COMT: variants seen among roughly 807,000 people sequenced by gnomAD.
COMT encodes the protein catechol-O-methyltransferase.
COMT carries 13 observed loss-of-function variants against 18.9 expected under a neutral mutation model. That is an observed-to-expected ratio of 0.69 (90% CI 0.45 to 1.09). COMT has a LOEUF of 1.09. Ranked by LOEUF, COMT falls within the 50% of genes least tolerant of loss-of-function variation. COMT has a pLI of 0.00. For missense variants in COMT, 329 were observed against 361.8 expected, an observed-to-expected ratio of 0.91 and a Z score of 0.73; for synonymous variants, 150 against 160.9, an observed-to-expected ratio of 0.93 and a Z score of 0.51.
chr22:19,962,137 G>C, intron 2 of COMT: 1 of 307,292 alleles, frequency 3.3e-6, no homozygotes, highest in Non-Finnish European at 6.3e-6. Flanking sequence ...CCCCAACTCC[G>C]GGCCATGGGG....
Position 19,968,758 on chromosome 22 carries a change from C to T in COMT, c.*22C>T, listed in dbSNP as rs1406904538. Reference sequence around the variant, plus strand: ...CTGACTGCCCCCCCGGCCCCCCTCTCGGGCTCTCTCACCCAGCCTGGTACT... The same window carrying T: ...CTGACTGCCCCCCCGGCCCCCCTCTTGGGCTCTCTCACCCAGCCTGGTACT... On this transcript the variant is annotated 3_prime_UTR_variant, in exon 6 of 6. Coordinates refer to ENST00000361682, the MANE Select transcript of COMT (RefSeq NM_000754.4). 5.0e-6 allele frequency: 8 copies of T among 1,600,902 alleles called. No individual in the cohort carries two copies. The highest frequency in any genetic ancestry group is 6.8e-6 in the Non-Finnish European group (8 of 1,176,772).
chr22:19,968,432 C>T, intron 5 of COMT, 104 bp from the exon 6 acceptor site: 1 of 1,128,092 alleles, frequency 8.9e-7, no homozygotes, highest in Non-Finnish European at 1.3e-6. Flanking sequence ...GGGCTAGGCA[C>T]AGGCGTGGTG....
intron 5 of COMT, chr22:19,967,678 ATACTT>A (rs1431335037): frequency 3.4e-6 from 1 of 295,750 alleles, no homozygotes; most frequent in East Asian, 9.6e-5. Flanking sequence ...TGATTTTATT[ATACTT>A]TAGATGTTTG....
chr22:19,955,874 G>A (rs1749275393), intron 1 of COMT, among the ~76,000 whole-genome samples: 1 of 152,208 alleles, frequency 6.6e-6, no homozygotes, highest in African/African-American at 2.4e-5. Context: ...AGGATGCACA[G>A]CCATTTCAGA....
intron 5 of COMT, chr22:19,967,148 T>G (rs1569136589): frequency 7.7e-7 from 1 of 1,300,010 alleles, no homozygotes; most frequent in Non-Finnish European, 1.0e-6. Flanking sequence ...CCTTCTTTCC[T>G]GTTTAACTCG....
intron 1 of COMT, among the ~76,000 whole-genome samples, chr22:19,955,402 C>T (rs968443808): frequency 6.6e-6 from 1 of 152,212 alleles, no homozygotes; most frequent in Admixed American, 6.5e-5. Context: ...ACTGGCTCTC[C>T]CTGGATTACT....
intron 1 of COMT, 83 bp downstream of exon 1, chr22:19,941,980 G>T: frequency 1.8e-6 from 1 of 544,226 alleles, no homozygotes; most frequent in Non-Finnish European, 2.9e-6. Flanking sequence ...CACTGGGATA[G>T]GGTGTGGGGA....
intron 1 of COMT, among the ~76,000 whole-genome samples, chr22:19,952,325 G>A (rs996461168): frequency 6.6e-6 from 1 of 151,942 alleles, no homozygotes. Flanking sequence ...CTGGGCGACA[G>A]AGCAAGACCC....
intron 5 of COMT, chr22:19,964,847 G>C (rs1003288532): frequency 6.9e-6 from 2 of 288,362 alleles, no homozygotes; most frequent in African/African-American, 4.3e-5. Context: ...GGGCACTGGT[G>C]GCCCTTCACA....
At position 19,957,830 on chromosome 22, in the gene COMT, C is replaced by T. The variant is rs149748867; in HGVS notation, c.-91-3369C>T. Among the ~76,000 whole-genome samples, 465 of 152,372 alleles carry T rather than the reference C, an allele frequency of 3.1e-3. 5 individuals carry two copies. The highest frequency in any genetic ancestry group is 0.024 in the Admixed American group (372 of 15,306). On this transcript the variant is annotated intron_variant, in intron 1 of 5. Transcript: ENST00000361682. ...CGAGCCGATGGCCAGGCAGCCGGTG[C>T]AGAAGGTTCATCCATTTTGATGAAC...
rs776760978 is a variant in COMT at position 19,957,683 on chromosome 22, C to G, written c.-91-3516C>G. ...GCATCTGCATGTGGCGTGCATGTGG[C>G]AAGCATGTGCAGGTGCTGTGTGGGC... On this transcript the variant is annotated intron_variant, in intron 1 of 5. Transcript: ENST00000361682. Among the ~76,000 whole-genome samples, 7 of 152,232 alleles carry G rather than the reference C, an allele frequency of 4.6e-5. 1 individual carries two copies. Among genetic ancestry groups the G allele is most frequent in the Non-Finnish European group, 1.0e-4 (7 of 68,040 alleles).
At chr22:19,966,504 C>A (rs975992401) in intron 5 of COMT, among the ~76,000 whole-genome samples, 8 of 147,296 alleles carry the variant, frequency 5.4e-5, no homozygotes, top group Non-Finnish European at 1.2e-4. Flanking sequence ...GCAGTGATGA[C>A]ATCATAGCTC....
At position 19,964,149 on chromosome 22, in the gene COMT, C is replaced by A. The variant is rs1942277265; in HGVS notation, c.484-19C>A. 6.2e-7 allele frequency: 1 copy of A among 1,613,852 alleles called. No individual in the cohort carries two copies. Among genetic ancestry groups the A allele is most frequent in the African/African-American group, 1.3e-5 (1 of 74,922 alleles). On this transcript the variant is annotated intron_variant, in intron 4 of 5. Transcript: ENST00000361682. The stretch of plus-strand genomic sequence containing the variant: ...CCTCCTGTCTGTGAGGACGTGGGCA[C>A]TGACAGGCGCTGTTCCAGGTCACCC...
rs191204865 is a variant in COMT, at chr22:19,962,787, G to A, written c.261G>A (p.Glu87=). The A allele has an allele frequency of 8.7e-6, 14 of 1,608,074 alleles. No individual in the cohort carries two copies. The highest frequency in any genetic ancestry group is 6.6e-5 in the South Asian group (6 of 91,014). Reference sequence around the variant, plus strand: ...TTGACACCTACTGCGAGCAGAAGGAGTGGGCCATGAACGTGGGCGACAAGA... The same window carrying A: ...TTGACACCTACTGCGAGCAGAAGGAATGGGCCATGAACGTGGGCGACAAGA... ...EAIDTYCEQK[E]WAMNVGDKKG... Residue 87 remains glutamate (E), a synonymous_variant, in exon 3 of 6, where the codon GAG becomes GAA. Coordinates refer to ENST00000361682, the MANE Select transcript of COMT (RefSeq NM_000754.4).
At chr22:19,967,354 C>T (rs145308916) in intron 5 of COMT, 12 of 557,386 alleles carry the variant, frequency 2.2e-5, no homozygotes, top group Admixed American at 1.2e-4. Flanking sequence ...TCCCGGGTGG[C>T]GCTTTGTTCT....
At chr22:19,959,416 G>A (rs1942139325) in intron 1 of COMT, among the ~76,000 whole-genome samples, 1 of 152,272 alleles carries the variant, frequency 6.6e-6, no homozygotes, top group African/African-American at 2.4e-5. Context: ...GGGTGGGCGT[G>A]GTCCCAAAGT....
chr22:19,963,156 C>T (rs769402619), intron 3 of COMT, among the ~76,000 whole-genome samples: 13 of 152,136 alleles, frequency 8.5e-5, no homozygotes, highest in Non-Finnish European at 1.5e-4. Context: ...TGAACTTCAG[C>T]CTGGGGCACA....
At position 19,968,619 on chromosome 22, in the gene COMT, G is replaced by A; in HGVS notation, c.699G>A (p.Val233=). Residue 233 remains valine (V), a synonymous_variant, in exon 6 of 6, where the codon GTG becomes GTA. Transcript: ENST00000361682. ...GTGCGCCAGACTTCCTAGCACACGT[G>A]CGCGGGAGCAGCTGCTTTGAGTGCA... ...CPGAPDFLAH[V]RGSSCFECTH... is the part of the protein sequence containing the mutation. 1 of 1,614,088 alleles carries A rather than the reference G, an allele frequency of 6.2e-7. No individual in the cohort carries two copies. The highest frequency in any genetic ancestry group is 1.3e-5 in the African/African-American group (1 of 75,028).
At chr22:19,966,136 A>G (rs146143750) in intron 5 of COMT, among the ~76,000 whole-genome samples, 1 of 152,342 alleles carries the variant, frequency 6.6e-6, no homozygotes, top group African/African-American at 2.4e-5. Context: ...TCTCAAAAGA[A>G]GCAAAGTCAT....
Sources: allele counts gnomAD v4.1 joint callset (sites outside exome capture counted in the v4.1 genomes callset), GRCh38; gene constraint gnomAD v4.1.1; transcripts MANE v1.5; gene names NCBI Gene and HGNC (gene_info 2026-07-23, HGNC 2026-07-21).